ELMO1: variants seen among roughly 807,000 people sequenced by gnomAD.
ELMO1 encodes the protein engulfment and cell motility 1.
ELMO1 carries 26 observed loss-of-function variants against 98.9 expected under a neutral mutation model. The observed-to-expected ratio is 0.26, with a 90% confidence interval of 0.19 to 0.36. The LOEUF (loss-of-function observed/expected upper bound fraction) is 0.36, where lower values mean the gene tolerates loss of function less well. Ranked by LOEUF, ELMO1 falls within the 10% of genes least tolerant of loss-of-function variation. ELMO1 has a pLI of 1.00. For synonymous variants in ELMO1, 346 were observed against 346.0 expected, an observed-to-expected ratio of 1.00 and a Z score of 0.00; for missense variants, 627 against 935.2, an observed-to-expected ratio of 0.67 and a Z score of 4.30.
intron 12 of ELMO1, among the ~76,000 whole-genome samples, chr7:37,212,608 C>T (rs757163768): frequency 1.6e-4 from 24 of 152,264 alleles, no homozygotes; most frequent in Admixed American, 1.1e-3. Flanking sequence ...TATGGCCTTG[C>T]TCCATGAATG....
chr7:37,420,427 ACC>A, intron 1 of ELMO1, among the ~76,000 whole-genome samples: 2 of 152,328 alleles, frequency 1.3e-5, no homozygotes, highest in South Asian at 4.1e-4. Context: ...TCACTTTTGT[ACC>A]TGATTTTGTG....
chr7:37,396,883 T>C (rs1328345396), intron 1 of ELMO1, among the ~76,000 whole-genome samples: 22 of 152,206 alleles, frequency 1.4e-4, no homozygotes, highest in Admixed American at 1.4e-3. Context: ...TTACTATACA[T>C]GAAATTCCAT....
intron 6 of ELMO1, among the ~76,000 whole-genome samples, chr7:37,258,589 G>T (rs1186736447): frequency 6.6e-6 from 1 of 152,108 alleles, no homozygotes; most frequent in Admixed American, 6.5e-5. Flanking sequence ...ATTTTCCTTT[G>T]TTCAACTCTT....
chr7:37,182,460 TAC>T (rs1328297248), intron 13 of ELMO1, among the ~76,000 whole-genome samples: 1 of 117,638 alleles, frequency 8.5e-6, no homozygotes, highest in African/African-American at 3.4e-5. Flanking sequence ...TCTTGTGCTC[TAC>T]TTTTTTTTTT....
At chr7:37,427,507 C>T (rs985665906) in intron 1 of ELMO1, among the ~76,000 whole-genome samples, 4 of 152,166 alleles carry the variant, frequency 2.6e-5, no homozygotes, top group Non-Finnish European at 5.9e-5. Flanking sequence ...ACCAACACCA[C>T]TATGGGATGG....
intron 16 of ELMO1, among the ~76,000 whole-genome samples, chr7:36,970,285 G>C (rs1329258810): frequency 1.3e-5 from 2 of 151,340 alleles, no homozygotes; most frequent in Admixed American, 1.3e-4. Context: ...ATTATTTCTT[G>C]GTAATCTTCC....
intron 16 of ELMO1, among the ~76,000 whole-genome samples, chr7:36,997,015 T>C (rs766876154): frequency 5.9e-5 from 9 of 152,198 alleles, no homozygotes; most frequent in Non-Finnish European, 1.3e-4. Context: ...AAGAGCTGTG[T>C]CCTAGAAAGG....
chr7:37,077,473 C>A (rs1486842192), intron 15 of ELMO1, among the ~76,000 whole-genome samples: 1 of 152,116 alleles, frequency 6.6e-6, no homozygotes, highest in East Asian at 1.9e-4. Flanking sequence ...GGAATCATGG[C>A]CCAATGGGAG....
chr7:37,448,432 C>G (rs1244816305), intron 1 of ELMO1, among the ~76,000 whole-genome samples: 1 of 152,126 alleles, frequency 6.6e-6, no homozygotes, highest in Non-Finnish European at 1.5e-5. Context: ...CCCGCCATCC[C>G]CGGAGCTCAG....
chr7:37,073,254 T>C (rs79298457), intron 15 of ELMO1, among the ~76,000 whole-genome samples: 3,038 of 152,226 alleles, frequency 0.02, 112 homozygotes, highest in African/African-American at 0.07. Context: ...TATTTTAAGA[T>C]ATAGAAAGAA....
intron 15 of ELMO1, among the ~76,000 whole-genome samples, chr7:37,053,516 A>C (rs974299565): frequency 6.6e-6 from 1 of 152,094 alleles, no homozygotes; most frequent in Admixed American, 6.6e-5. Context: ...ATCATACCCC[A>C]TTTCATCGAC....
intron 15 of ELMO1, among the ~76,000 whole-genome samples, chr7:37,059,302 G>A (rs758205395): frequency 6.6e-6 from 1 of 152,136 alleles, no homozygotes; most frequent in Non-Finnish European, 1.5e-5. Context: ...TGTCAAGAGT[G>A]GAAGATTAAA....
chr7:37,011,533 T>C (rs982178558), intron 16 of ELMO1, among the ~76,000 whole-genome samples: 1 of 152,240 alleles, frequency 6.6e-6, no homozygotes. Flanking sequence ...AACAATAATA[T>C]CTGAAACATT....
intron 4 of ELMO1, among the ~76,000 whole-genome samples, chr7:37,305,142 A>G (rs933678780): frequency 1.3e-5 from 2 of 152,222 alleles, no homozygotes; most frequent in African/African-American, 4.8e-5. Context: ...AGAACTGAAG[A>G]TGGTGAGTCA....
At chr7:37,066,027 G>C (rs920873774) in intron 15 of ELMO1, among the ~76,000 whole-genome samples, 1 of 152,144 alleles carries the variant, frequency 6.6e-6, no homozygotes, top group East Asian at 1.9e-4. Flanking sequence ...TTATAAATGG[G>C]AGTTCCCTTG....
At chr7:37,441,710 A>G (rs1397537843) in intron 1 of ELMO1, among the ~76,000 whole-genome samples, 1 of 152,268 alleles carries the variant, frequency 6.6e-6, no homozygotes, top group East Asian at 1.9e-4. Flanking sequence ...AACGTTGTTA[A>G]GAAACTGAGA....
chr7:36,977,621 G>A (rs1007784519), intron 16 of ELMO1, among the ~76,000 whole-genome samples: 4 of 152,276 alleles, frequency 2.6e-5, no homozygotes, highest in African/African-American at 4.8e-5. Flanking sequence ...AATTTGGTCC[G>A]CCCAGGTTTC....
chr7:37,004,861 A>C (rs190051679), intron 16 of ELMO1, among the ~76,000 whole-genome samples: 26 of 152,278 alleles, frequency 1.7e-4, no homozygotes, highest in African/African-American at 6.3e-4. Flanking sequence ...CTATAATCCC[A>C]GCACTTTGGG....
At chr7:37,420,228 C>A (rs545478643) in intron 1 of ELMO1, among the ~76,000 whole-genome samples, 1 of 152,286 alleles carries the variant, frequency 6.6e-6, no homozygotes, top group South Asian at 2.1e-4. Context: ...CCCTGGCACA[C>A]TTCAACAGCA....
Sources: allele counts gnomAD v4.1 joint callset (sites outside exome capture counted in the v4.1 genomes callset), GRCh38; gene constraint gnomAD v4.1.1; transcripts MANE v1.5; gene names NCBI Gene and HGNC (gene_info 2026-07-23, HGNC 2026-07-21).